DLGAP2: variants seen among roughly 807,000 people sequenced by gnomAD.
DLGAP2 encodes the protein disks large-associated protein 2.
A neutral mutation model predicts 100.3 loss-of-function variants in DLGAP2; 26 were observed. The observed-to-expected ratio is 0.26, with a 90% CI of 0.19 to 0.36. DLGAP2 has a LOEUF of 0.36. Ranked by LOEUF, DLGAP2 falls within the 10% of genes least tolerant of loss-of-function variation. The pLI is 1.00. For synonymous variants in DLGAP2, 886 were observed against 630.1 expected (o/e 1.41, Z -6.08); for missense variants, 1,858 against 1,453.2 (o/e 1.28, Z -4.53).
chr8:1,115,084 G>A (rs1037035125), intron 2 of DLGAP2, among the ~76,000 whole-genome samples: 2 of 152,304 alleles, frequency 1.3e-5, no homozygotes, highest in African/African-American at 4.8e-5. Flanking sequence ...CAGTTCTTTA[G>A]CATTTGCCTG....
At chr8:1,423,006 C>G (rs1797141479) in intron 3 of DLGAP2, among the ~76,000 whole-genome samples, 1 of 152,158 alleles carries the variant, frequency 6.6e-6, no homozygotes, top group Non-Finnish European at 1.5e-5. Context: ...GTGGCTACAT[C>G]TTGAGCACAT....
At chr8:848,848 G>C (rs75238951) in intron 1 of DLGAP2, among the ~76,000 whole-genome samples, 1 of 146,344 alleles carries the variant, frequency 6.8e-6, no homozygotes, top group Non-Finnish European at 1.5e-5. Context: ...CTTGTGATGT[G>C]TGTTCCAGCA....
intron 1 of DLGAP2, among the ~76,000 whole-genome samples, chr8:815,935 G>A (rs772201203): frequency 2.0e-5 from 3 of 152,000 alleles, no homozygotes; most frequent in Non-Finnish European, 2.9e-5. Flanking sequence ...TTTTCCTGTT[G>A]GACTAGTCCT....
At chr8:1,288,678 AGTGT>A (rs1163735040) in intron 3 of DLGAP2, among the ~76,000 whole-genome samples, 180 of 118,472 alleles carry the variant, frequency 1.5e-3, no homozygotes, top group African/African-American at 3.0e-3. Flanking sequence ...GTTTCGGTTC[AGTGT>A]GTGTGTGTGT....
At chr8:785,555 G>C (rs373408700) in intron 1 of DLGAP2, among the ~76,000 whole-genome samples, 10 of 137,466 alleles carry the variant, frequency 7.3e-5, no homozygotes, top group East Asian at 6.5e-4. Flanking sequence ...AGGTCTCTCT[G>C]AGACCGGCCT....
chr8:1,606,679 A>G (rs1309938106), intron 6 of DLGAP2, among the ~76,000 whole-genome samples: 1 of 152,030 alleles, frequency 6.6e-6, no homozygotes, highest in Non-Finnish European at 1.5e-5. Flanking sequence ...TTCTGCTATG[A>G]CCATTATTCT....
chr8:814,868 A>T (rs991961350), intron 1 of DLGAP2, among the ~76,000 whole-genome samples: 1 of 151,290 alleles, frequency 6.6e-6, no homozygotes, highest in Non-Finnish European at 1.5e-5. Flanking sequence ...AAAAAAAAAA[A>T]AAAAAGAAAT....
At position 1,201,091 on chromosome 8, in the gene DLGAP2, G is replaced by T. The variant is rs148653026; in HGVS notation, c.74-57760G>T. On this transcript the variant is annotated intron_variant, in intron 2 of 14. Coordinates refer to ENST00000637795, the MANE Select transcript of DLGAP2 (RefSeq NM_001346810.2). ...CGAGATGCCCAGAGACCAGCACTGG[G>T]GAGGCTGCTCCCCGTCCCCGAGGCC... 7.4e-3 allele frequency among the ~76,000 whole-genome samples: 1,134 copies of T among 152,334 alleles called. 19 individuals are homozygous for T. Among genetic ancestry groups the T allele is most frequent in the African/African-American group, 0.026 (1,082 of 41,584 alleles).
intron 2 of DLGAP2, among the ~76,000 whole-genome samples, chr8:1,060,641 C>G (rs1803053065): frequency 6.6e-6 from 1 of 152,230 alleles, no homozygotes. Context: ...AGTAAGATCA[C>G]ATTCTGAAGA....
intron 2 of DLGAP2, among the ~76,000 whole-genome samples, chr8:1,220,102 G>T (rs1370167604): frequency 6.6e-6 from 1 of 151,936 alleles, no homozygotes; most frequent in African/African-American, 2.4e-5. Context: ...TTTTGTGTCT[G>T]AATTTTGTTC....
chr8:1,301,102 G>A (rs1469623187), intron 3 of DLGAP2: 1 of 152,420 alleles, frequency 6.6e-6, no homozygotes, highest in Non-Finnish European at 1.5e-5. Flanking sequence ...TCTGGCCATG[G>A]AAGAGGCCAT....
intron 3 of DLGAP2, among the ~76,000 whole-genome samples, chr8:1,430,029 C>A (rs9314427): frequency 7.6e-5 from 3 of 39,256 alleles, no homozygotes; most frequent in African/African-American, 1.9e-4. Context: ...TATATATATA[C>A]ACACACACAC....
chr8:1,074,812 A>C (rs1271110301), intron 2 of DLGAP2, among the ~76,000 whole-genome samples: 1 of 152,200 alleles, frequency 6.6e-6, no homozygotes, highest in Non-Finnish European at 1.5e-5. Context: ...TGCAGGTCCA[A>C]GAAAATTCAG....
intron 3 of DLGAP2, among the ~76,000 whole-genome samples, chr8:1,375,011 G>C (rs927240896): frequency 2.0e-5 from 3 of 152,088 alleles, no homozygotes; most frequent in Non-Finnish European, 4.4e-5. Flanking sequence ...CTGACAGCAG[G>C]TGGTCACTGG....
chr8:1,315,429 G>C (rs866654558), intron 3 of DLGAP2, among the ~76,000 whole-genome samples: 3,737 of 106,608 alleles, frequency 0.035, 11 homozygotes, highest in African/African-American at 0.052. Context: ...AAAATAGAGC[G>C]TGTGCGAGTG....
intron 4 of DLGAP2, among the ~76,000 whole-genome samples, chr8:1,515,840 C>G (rs1480335555): frequency 6.6e-6 from 1 of 152,246 alleles, no homozygotes; most frequent in African/African-American, 2.4e-5. Flanking sequence ...CTGTACTGTG[C>G]TATGGACTCT....
chr8:994,547 G>C (rs1364799202), intron 2 of DLGAP2, among the ~76,000 whole-genome samples: 3 of 152,142 alleles, frequency 2.0e-5, no homozygotes, highest in African/African-American at 7.2e-5. Flanking sequence ...CAAGGCTCCA[G>C]ATCCTCAAGA....
At chr8:1,590,156 C>G (rs1014529211) in intron 6 of DLGAP2, among the ~76,000 whole-genome samples, 3 of 152,164 alleles carry the variant, frequency 2.0e-5, no homozygotes, top group African/African-American at 4.8e-5. Flanking sequence ...CATAAGAGCA[C>G]TGTCATCCTC....
chr8:791,824 C>G (rs928712519), intron 1 of DLGAP2, among the ~76,000 whole-genome samples: 2 of 152,222 alleles, frequency 1.3e-5, no homozygotes, highest in African/African-American at 4.8e-5. Flanking sequence ...TGCTTGAGCT[C>G]ACGCACGCTC....
Sources: gnomAD v4.1 joint callset for allele counts (sites outside exome capture counted in the v4.1 genomes callset) on GRCh38, gnomAD v4.1.1 for gene constraint, MANE v1.5 for transcripts, NCBI Gene and HGNC (gene_info 2026-07-23, HGNC 2026-07-21) for gene names.